CERKL: variants seen among roughly 807,000 people sequenced by gnomAD.
CERKL encodes ceramide kinase-like protein.
A neutral mutation model predicts 63.4 loss-of-function variants in CERKL; 61 were observed. The observed-to-expected ratio is 0.96, with a 90% CI of 0.78 to 1.19. CERKL has a LOEUF of 1.19. Ranked by LOEUF, CERKL falls within the 50% of genes most tolerant of loss-of-function variation. The probability of loss-of-function intolerance (pLI) is 0.00; values close to 1 mark genes in which losing one functional copy is unlikely to be tolerated. For synonymous variants in CERKL, 250 were observed against 230.5 expected, an observed-to-expected ratio of 1.08 and a Z score of -0.77; for missense variants, 675 against 655.5, an observed-to-expected ratio of 1.03 and a Z score of -0.33.
chr2:181,656,238 G>A (rs890934966), intron 1 of CERKL, among the ~76,000 whole-genome samples: 1 of 152,002 alleles, frequency 6.6e-6, no homozygotes, highest in Non-Finnish European at 1.5e-5. Context: ...GGAAGGTGAG[G>A]GGCAGAAAAA....
chr2:181,566,035 T>C, intron 4 of CERKL, 23 bp downstream of exon 4: 3 of 1,460,814 alleles, frequency 2.1e-6, no homozygotes, highest in South Asian at 1.1e-5. Flanking sequence ...ATATAACATA[T>C]ATTGATTAAT....
intron 2 of CERKL, among the ~76,000 whole-genome samples, chr2:181,586,131 G>C (rs568000269): frequency 2.0e-5 from 3 of 151,844 alleles, no homozygotes; most frequent in Admixed American, 2.0e-4. Context: ...AGGTTAGGAA[G>C]GTAAGAAAAA....
At chr2:181,629,434 G>T (rs1271027216) in intron 1 of CERKL, among the ~76,000 whole-genome samples, 1 of 152,124 alleles carries the variant, frequency 6.6e-6, no homozygotes, top group Non-Finnish European at 1.5e-5. Context: ...TCAATGTTCT[G>T]CATGGCCTTT....
intron 3 of CERKL, among the ~76,000 whole-genome samples, chr2:181,567,435 G>A (rs778511712): frequency 2.6e-5 from 4 of 151,884 alleles, no homozygotes; most frequent in Non-Finnish European, 4.4e-5. Flanking sequence ...ATCCAATAAT[G>A]AGCTTTAGAA....
At chr2:181,595,015 A>G (rs1210105037) in intron 2 of CERKL, among the ~76,000 whole-genome samples, 1 of 152,216 alleles carries the variant, frequency 6.6e-6, no homozygotes, top group Non-Finnish European at 1.5e-5. Flanking sequence ...CTGTGAGAGT[A>G]GAACTTTATT....
chr2:181,578,382 C>A (rs1033986604), intron 2 of CERKL, among the ~76,000 whole-genome samples: 1 of 152,146 alleles, frequency 6.6e-6, no homozygotes, highest in Admixed American at 6.5e-5. Flanking sequence ...TCACTACAAC[C>A]TTTGCCTCCC....
At chr2:181,645,606 C>G (rs549025227) in intron 1 of CERKL, among the ~76,000 whole-genome samples, 1 of 152,318 alleles carries the variant, frequency 6.6e-6, no homozygotes, top group African/African-American at 2.4e-5. Flanking sequence ...ATCAGCCAAG[C>G]TGAGGCAAAG....
chr2:181,561,433 T>C (rs957840995), intron 4 of CERKL, among the ~76,000 whole-genome samples: 8 of 149,830 alleles, frequency 5.3e-5, no homozygotes, highest in Admixed American at 1.3e-4. Flanking sequence ...AAATAGATCA[T>C]AAGACTGACA....
At position 181,573,883 on chromosome 2, in the gene CERKL, G is replaced by C. The variant is rs201528726; in HGVS notation, c.483C>G (p.Gly161=). Residue 161 remains glycine, a splice_region_variant and synonymous_variant, in exon 3 of 13, where the codon GGC becomes GGG. Transcript: ENST00000410087. ...WFRQFKKILA[G]FPNRPKSLKI... ...TTAATGACTTCGGTCTGTTTGGAAA[G>C]CCTAAGAAGAAATTTTAAAGACAAA... 1.9e-5 allele frequency: 31 copies of C among 1,612,060 alleles called. No individual in the cohort carries two copies. Among genetic ancestry groups the C allele is most frequent in the Non-Finnish European group, 2.5e-5 (29 of 1,179,090 alleles).
intron 2 of CERKL, among the ~76,000 whole-genome samples, chr2:181,595,156 C>G (rs1468703729): frequency 6.6e-6 from 1 of 151,914 alleles, no homozygotes; most frequent in African/African-American, 2.4e-5. Context: ...CTTAGGAAAC[C>G]CTGCTAAACA....
intron 1 of CERKL, among the ~76,000 whole-genome samples, chr2:181,633,106 C>T (rs1687034809): frequency 6.6e-6 from 1 of 152,142 alleles, no homozygotes; most frequent in Non-Finnish European, 1.5e-5. Flanking sequence ...GTCACCCTGC[C>T]ACCTCTGGCA....
chr2:181,635,851 T>C (rs982526879), intron 1 of CERKL, among the ~76,000 whole-genome samples: 4 of 152,192 alleles, frequency 2.6e-5, no homozygotes, highest in African/African-American at 7.2e-5. Flanking sequence ...CAAATGACTA[T>C]TTCACTGACT....
chr2:181,630,356 C>G (rs1479663885), intron 1 of CERKL, among the ~76,000 whole-genome samples: 1 of 151,826 alleles, frequency 6.6e-6, no homozygotes, highest in Non-Finnish European at 1.5e-5. Context: ...AAAATCCACT[C>G]TCAAGGTTGG....
intron 1 of CERKL, among the ~76,000 whole-genome samples, chr2:181,627,325 T>C (rs1233213751): frequency 6.6e-6 from 1 of 152,232 alleles, no homozygotes; most frequent in East Asian, 1.9e-4. Flanking sequence ...AAGGTTCTAC[T>C]AAGAAATTTA....
chr2:181,645,674 C>A (rs1687639962), intron 1 of CERKL, among the ~76,000 whole-genome samples: 1 of 152,248 alleles, frequency 6.6e-6, no homozygotes, highest in Admixed American at 6.5e-5. Context: ...CAGGTTCAGG[C>A]ACCTGCTCTT....
At chr2:181,600,243 A>T (rs1685400849) in intron 2 of CERKL, among the ~76,000 whole-genome samples, 1 of 152,224 alleles carries the variant, frequency 6.6e-6, no homozygotes, top group Non-Finnish European at 1.5e-5. Flanking sequence ...ACTTGCTACC[A>T]TATAAGCACA....
In CERKL at chr2:181,547,743, T is replaced by C. The variant is rs759754421; in HGVS notation, c.1160-17A>G. 3.1e-6 allele frequency: 5 copies of C among 1,613,198 alleles called. No individual in the cohort carries two copies. The African/African-American group carries it at 6.7e-5, about 22-fold the overall frequency. On this transcript the variant is annotated splice_polypyrimidine_tract_variant and intron_variant, in intron 9 of 12. Transcript: ENST00000410087. ...CATTACAGTCTAAAGGTAATGAAAG[T>C]GATTGGTTATTTTCCCTCACCAGAA...
intron 1 of CERKL, among the ~76,000 whole-genome samples, chr2:181,639,182 C>A (rs2105504824): frequency 6.6e-6 from 1 of 152,168 alleles, no homozygotes; most frequent in Admixed American, 6.5e-5. Context: ...TTTAGAAAAT[C>A]TTTATCTCCT....
At chr2:181,615,932 C>G (rs779095850) in intron 1 of CERKL, among the ~76,000 whole-genome samples, 1 of 151,882 alleles carries the variant, frequency 6.6e-6, no homozygotes, top group African/African-American at 2.4e-5. Flanking sequence ...AGAGTTACAA[C>G]GAAGTAGGCT....
Sources: allele counts gnomAD v4.1 joint callset (sites outside exome capture counted in the v4.1 genomes callset), GRCh38; gene constraint gnomAD v4.1.1; transcripts MANE v1.5; gene names NCBI Gene and HGNC (gene_info 2026-07-23, HGNC 2026-07-21).